Variants in LMLN observed in about 807,000 individuals in gnomAD.
LMLN encodes the protein leishmanolysin-like peptidase.
A neutral mutation model predicts 92.3 loss-of-function variants in LMLN; 70 were observed. The observed-to-expected ratio is 0.76, with a 90% CI of 0.63 to 0.92. The LOEUF (loss-of-function observed/expected upper bound fraction) is 0.92, where lower values mean the gene tolerates loss of function less well. Ranked by LOEUF, LMLN falls within the 40% of genes least tolerant of loss-of-function variation. The pLI is 0.00. For synonymous variants in LMLN, 308 were observed against 296.2 expected, an observed-to-expected ratio of 1.04 and a Z score of -0.41; for missense variants, 691 against 814.6, an observed-to-expected ratio of 0.85 and a Z score of 1.85.
intron 14 of LMLN, among the ~76,000 whole-genome samples, chr3:198,029,873 T>C (rs1464273096): frequency 1.3e-5 from 2 of 152,120 alleles, no homozygotes; most frequent in Non-Finnish European, 2.9e-5. Flanking sequence ...AGATTCTTGT[T>C]CTGTCTCCCA....
intron 1 of LMLN, among the ~76,000 whole-genome samples, chr3:197,962,751 A>G (rs1482299722): frequency 6.6e-6 from 1 of 151,216 alleles, no homozygotes; most frequent in African/African-American, 2.4e-5. Context: ...ATGATGTGAG[A>G]TAGGGGATCA....
chr3:197,978,427 G>A (rs1721465161), intron 5 of LMLN, among the ~76,000 whole-genome samples: 1 of 152,098 alleles, frequency 6.6e-6, no homozygotes, highest in South Asian at 2.1e-4. Flanking sequence ...CTTGACTCCG[G>A]GAGTTTAAGA....
At chr3:197,989,474 G>A (rs1721805156) in intron 8 of LMLN, among the ~76,000 whole-genome samples, 3 of 152,102 alleles carry the variant, frequency 2.0e-5, no homozygotes, top group Non-Finnish European at 2.9e-5. Flanking sequence ...CAGCACAGTT[G>A]TTAGATAAAT....
intron 9 of LMLN, among the ~76,000 whole-genome samples, chr3:197,993,451 T>C (rs1293125426): frequency 6.6e-6 from 1 of 152,028 alleles, no homozygotes; most frequent in Non-Finnish European, 1.5e-5. Flanking sequence ...GTTTTCTATA[T>C]ACTAACAGAA....
chr3:198,036,033 T>C (rs1184175195), exon 15 of LMLN: 1 of 1,613,250 alleles, frequency 6.2e-7, no homozygotes, highest in South Asian at 1.1e-5. Context: ...TGACCCGAGC[T>C]CTGCCACTTG....
chr3:198,005,883 G>A (rs566998368), intron 11 of LMLN, among the ~76,000 whole-genome samples: 7 of 152,184 alleles, frequency 4.6e-5, no homozygotes, highest in South Asian at 2.1e-4. Context: ...TTGGGAGGCC[G>A]AGGCGGGTGG....
At chr3:197,989,238 C>T (rs1721799586) in intron 8 of LMLN, among the ~76,000 whole-genome samples, 1 of 152,126 alleles carries the variant, frequency 6.6e-6, no homozygotes, top group South Asian at 2.1e-4. Context: ...GGAGATTCAT[C>T]AATTTTTCAT....
rs114933304 is a variant in LMLN at position 197,976,118 on chromosome 3, C to G, written c.431+7C>G. The G allele has an allele frequency of 8.1e-4, 1,258 of 1,549,236 alleles. 9 individuals carry two copies. The African/African-American group carries it at 0.016, about 19-fold the overall frequency. ...GCACTATCTTACTTAGCAGGTATGT[C>G]ACATGAAACACAGATCATTTTCTTC... On this transcript the variant is annotated splice_region_variant and intron_variant, in intron 4 of 15. Coordinates refer to ENST00000330198, the Ensembl canonical transcript of LMLN.
intron 15 of LMLN, chr3:198,038,242 G>A: frequency 3.6e-6 from 1 of 274,044 alleles, no homozygotes; most frequent in East Asian, 8.5e-5. Context: ...TACAAAGAAA[G>A]AATAAAAGAA....
intron 11 of LMLN, among the ~76,000 whole-genome samples, chr3:198,014,192 G>A (rs1252518719): frequency 2.4e-4 from 36 of 148,062 alleles, no homozygotes; most frequent in Middle Eastern, 3.4e-3. Flanking sequence ...TAACTAGTCT[G>A]ACTTCTCTGT....
chr3:198,041,258 A>G (rs1269635382), exon 16 of LMLN: 1 of 152,226 alleles, frequency 6.6e-6, no homozygotes, highest in East Asian at 1.9e-4. Context: ...AACATAGTCA[A>G]CTTAACTAAA....
chr3:198,023,176 C>A (rs921091223), intron 13 of LMLN, among the ~76,000 whole-genome samples: 3 of 140,760 alleles, frequency 2.1e-5, no homozygotes, highest in Non-Finnish European at 1.5e-5. Context: ...TTGCTGAATT[C>A]TGTTTTATTA....
intron 11 of LMLN, among the ~76,000 whole-genome samples, chr3:198,002,490 C>G (rs1429822228): frequency 6.6e-6 from 1 of 152,222 alleles, no homozygotes; most frequent in African/African-American, 2.4e-5. Context: ...GCAATCCCAG[C>G]ACTTTGGCAG....
At chr3:198,040,550 G>C (rs1723374228) in exon 16 of LMLN, 1 of 150,328 alleles carries the variant, frequency 6.7e-6, no homozygotes, top group African/African-American at 2.5e-5. Flanking sequence ...CCATGGCATT[G>C]TAACCACAAC....
intron 11 of LMLN, among the ~76,000 whole-genome samples, chr3:198,011,651 G>T (rs1439774741): frequency 3.3e-5 from 5 of 151,202 alleles, no homozygotes; most frequent in African/African-American, 1.2e-4. Flanking sequence ...TAATGGGATG[G>T]CTGGGTCAAA....
intron 14 of LMLN, among the ~76,000 whole-genome samples, chr3:198,032,101 CAAAAA>C (rs35145607): frequency 9.6e-6 from 1 of 103,714 alleles, no homozygotes; most frequent in Non-Finnish European, 2.2e-5. Flanking sequence ...GACTCTGACT[CAAAAA>C]AAAAAAAAAA....
Position 198,003,073 on chromosome 3 carries a change from T to G in LMLN, c.1232+3731T>G, listed in dbSNP as rs1404264570. ...GTTAGACTGGGGCCGAGGAATGGGC[T>G]GTGACTTTGTCAGGAAGAGCTGTAA... On this transcript the variant is annotated intron_variant, in intron 11 of 15. Transcript: ENST00000330198. The G allele has an allele frequency of 1.3e-6, 2 of 1,551,566 alleles. No homozygotes were observed. Among genetic ancestry groups the G allele is most frequent in the Admixed American group, 3.9e-5 (2 of 50,958 alleles).
intron 8 of LMLN, among the ~76,000 whole-genome samples, chr3:197,989,024 G>A (rs1374638201): frequency 6.6e-6 from 1 of 152,082 alleles, no homozygotes; most frequent in Non-Finnish European, 1.5e-5. Context: ...CCACCTATTT[G>A]TGTTATTTAG....
chr3:198,034,126 A>G (rs575517794), intron 14 of LMLN, among the ~76,000 whole-genome samples: 2 of 152,204 alleles, frequency 1.3e-5, no homozygotes, highest in Non-Finnish European at 2.9e-5. Flanking sequence ...GCTTCTGGGC[A>G]ACCTTGGGCT....
Sources: allele counts gnomAD v4.1 joint callset (sites outside exome capture counted in the v4.1 genomes callset), GRCh38; gene constraint gnomAD v4.1.1; transcripts MANE v1.5; gene names NCBI Gene and HGNC (gene_info 2026-07-23, HGNC 2026-07-21).